UBTD1: variants seen among roughly 807,000 people sequenced by gnomAD.
The protein encoded by UBTD1 is ubiquitin domain containing 1.
UBTD1 carries 19 observed loss-of-function variants against 21.7 expected under a neutral mutation model. That is an observed-to-expected ratio of 0.87 (90% CI 0.61 to 1.28). The LOEUF is 1.28. UBTD1 is among the 50% of genes most tolerant of loss of function. The pLI, the probability that UBTD1 is intolerant of heterozygous loss-of-function variation, is 0.00. For missense variants in UBTD1, 282 were observed against 315.1 expected, an observed-to-expected ratio of 0.89 and a Z score of 0.80; for synonymous variants, 116 against 135.1, an observed-to-expected ratio of 0.86 and a Z score of 0.98.
chr10:97,570,714 C>T lies in UBTD1; in HGVS notation c.*191C>T. The T allele has an allele frequency of 3.0e-6, 2 of 662,300 alleles. No individual in the cohort carries two copies. The highest frequency in any genetic ancestry group is 5.5e-5 in the East Asian group (2 of 36,204). 41.0% of individuals were successfully genotyped at this position (662,300 alleles called of 1,614,324 possible). A position where few individuals can be genotyped will look rare whatever the true frequency, so the allele number is the denominator to read the frequency against. On this transcript the variant is annotated 3_prime_UTR_variant, in exon 3 of 3. Coordinates refer to ENST00000370664, the MANE Select transcript of UBTD1 (RefSeq NM_024954.5). This position sits in a 1 kb window ranked among gnomAD's most constrained non-coding sequence, Gnocchi z 6.6. ...CCGGTACCCAGGGAGCAGGCAGCCA[C>T]ACACGGGCCTTGCAACCTTGTCAGA...
At chr10:97,523,600 C>T (rs1014422212) in intron 1 of UBTD1, among the ~76,000 whole-genome samples, 3 of 152,014 alleles carry the variant, frequency 2.0e-5, no homozygotes, top group Admixed American at 6.6e-5. Context: ...CAACATGAAG[C>T]GATGGTTGTA....
At chr10:97,522,202 G>A (rs1167433151) in intron 1 of UBTD1, among the ~76,000 whole-genome samples, 2 of 152,240 alleles carry the variant, frequency 1.3e-5, no homozygotes, top group African/African-American at 2.4e-5. Context: ...AGCTGCCCAC[G>A]CAATGTGGGG....
intron 1 of UBTD1, among the ~76,000 whole-genome samples, chr10:97,557,676 TCTGTTCTAG>T (rs1223964830): frequency 6.6e-6 from 1 of 152,168 alleles, no homozygotes. Context: ...CCCTCTTTCT[TCTGTTCTAG>T]CTGTTACCTT....
At chr10:97,513,296 CAAAT>C (rs141058468) in intron 1 of UBTD1, among the ~76,000 whole-genome samples, 27 of 152,260 alleles carry the variant, frequency 1.8e-4, no homozygotes, top group African/African-American at 5.8e-4. Context: ...GAAGCAAAGA[CAAAT>C]AAAGGTGTAA....
chr10:97,556,201 C>T (rs1323627979), intron 1 of UBTD1, among the ~76,000 whole-genome samples: 1 of 152,056 alleles, frequency 6.6e-6, no homozygotes, highest in Non-Finnish European at 1.5e-5. Flanking sequence ...TGCTGGGAAC[C>T]AATTTCCAAA....
Position 97,565,492 on chromosome 10 carries a change from C to T in UBTD1, c.71-2422C>T, listed in dbSNP as rs192548771. On this transcript the variant is annotated intron_variant, in intron 1 of 2. Coordinates refer to ENST00000370664, the MANE Select transcript of UBTD1 (RefSeq NM_024954.5). ...ATTGTATACTTCTGGAAATTCAGTT[C>T]AAAATTTTAGACCTAGCAGGGCATA... Among the ~76,000 whole-genome samples, 264 of 152,098 alleles carry T rather than the reference C, an allele frequency of 1.7e-3. 1 individual carries two copies. Among genetic ancestry groups the T allele is most frequent in the Middle Eastern group, 0.01 (3 of 294 alleles).
chr10:97,502,886 C>CGT (rs2040382772), intron 1 of UBTD1, among the ~76,000 whole-genome samples: 2 of 99,270 alleles, frequency 2.0e-5, no homozygotes, highest in South Asian at 4.2e-4. Flanking sequence ...TATATATATA[C>CGT]GTATATATAT....
intron 1 of UBTD1, among the ~76,000 whole-genome samples, chr10:97,542,714 A>G (rs976853517): frequency 1.3e-5 from 2 of 152,166 alleles, no homozygotes; most frequent in Non-Finnish European, 2.9e-5. Flanking sequence ...TCTCCTGTCT[A>G]TAAAGTGGGA....
chr10:97,527,101 C>T (rs1589872443), intron 1 of UBTD1, among the ~76,000 whole-genome samples: 1 of 127,236 alleles, frequency 7.9e-6, no homozygotes, highest in Non-Finnish European at 1.6e-5. Context: ...AACCAGGAGG[C>T]GGAGGTTGGA....
intron 1 of UBTD1, among the ~76,000 whole-genome samples, chr10:97,526,607 T>A (rs545978010): frequency 3.3e-5 from 5 of 152,008 alleles, no homozygotes; most frequent in Non-Finnish European, 5.9e-5. Flanking sequence ...GAGTGAACAA[T>A]CAAAAATGCC....
chr10:97,565,977 G>A (rs1021383137), intron 1 of UBTD1, among the ~76,000 whole-genome samples: 1 of 152,130 alleles, frequency 6.6e-6, no homozygotes, highest in Non-Finnish European at 1.5e-5. Flanking sequence ...ACCTCCCAAA[G>A]TGCTGGGACT....
At chr10:97,533,946 A>T (rs1192252249) in intron 1 of UBTD1, among the ~76,000 whole-genome samples, 1 of 151,618 alleles carries the variant, frequency 6.6e-6, no homozygotes, top group African/African-American at 2.4e-5. Flanking sequence ...AAAAAATCTT[A>T]AGCCCTCATC....
At chr10:97,539,004 A>C (rs2040575532) in intron 1 of UBTD1, among the ~76,000 whole-genome samples, 1 of 152,194 alleles carries the variant, frequency 6.6e-6, no homozygotes. Context: ...CACATGGTGC[A>C]TTAGGGCCAT....
At chr10:97,530,349 G>A (rs1036730586) in intron 1 of UBTD1, among the ~76,000 whole-genome samples, 1 of 152,190 alleles carries the variant, frequency 6.6e-6, no homozygotes. Context: ...GAGGCAGGGG[G>A]AATGCTGGAG....
intron 1 of UBTD1, among the ~76,000 whole-genome samples, chr10:97,562,751 A>G (rs1402103344): frequency 6.6e-6 from 1 of 152,160 alleles, no homozygotes; most frequent in Non-Finnish European, 1.5e-5. Flanking sequence ...GGCTATTTTC[A>G]CTTCTTTTGT....
intron 1 of UBTD1, among the ~76,000 whole-genome samples, chr10:97,561,348 A>T (rs541678384): frequency 6.6e-6 from 1 of 152,266 alleles, no homozygotes; most frequent in South Asian, 2.1e-4. Flanking sequence ...AGCCACAGAC[A>T]AAACCTCTCA....
At chr10:97,565,305 A>G (rs10748703) in intron 1 of UBTD1, among the ~76,000 whole-genome samples, 145,560 of 152,312 alleles carry the variant, frequency 0.96, 69,734 homozygotes, top group Non-Finnish European at 0.99. Flanking sequence ...TTTTCTAGGA[A>G]CATCTTTGTT....
chr10:97,548,251 T>C (rs1193352465), intron 1 of UBTD1, among the ~76,000 whole-genome samples: 1 of 152,238 alleles, frequency 6.6e-6, no homozygotes, highest in Non-Finnish European at 1.5e-5. Context: ...AGAAAGCACA[T>C]GTAATCAGGG....
At chr10:97,548,760 G>C (rs755074349) in intron 1 of UBTD1, among the ~76,000 whole-genome samples, 11 of 152,226 alleles carry the variant, frequency 7.2e-5, no homozygotes, top group Admixed American at 6.5e-4. Flanking sequence ...CTGGGCAACA[G>C]AGCAAGACTC....
Sources: allele counts gnomAD v4.1 joint callset (sites outside exome capture counted in the v4.1 genomes callset), GRCh38; gene constraint gnomAD v4.1.1; non-coding constraint Gnocchi (gnomAD v3.1); transcripts MANE v1.5; gene names NCBI Gene and HGNC (gene_info 2026-07-23, HGNC 2026-07-21).